Variants in SPTBN1 observed in about 807,000 individuals in gnomAD.
SPTBN1 encodes the protein spectrin beta, non-erythrocytic 1.
In SPTBN1, 32 loss-of-function variants were observed where a neutral mutation model predicts 266.4. That is an observed-to-expected ratio of 0.12 (90% CI 0.09 to 0.16). The LOEUF (loss-of-function observed/expected upper bound fraction) is 0.16. Ranked by LOEUF, SPTBN1 falls within the 10% of genes least tolerant of loss-of-function variation. SPTBN1 has a pLI of 1.00. For missense variants in SPTBN1, 2,296 were observed against 3,067.1 expected (o/e 0.75, Z 5.94); for synonymous variants, 1,336 against 1,162.2 (o/e 1.15, Z -3.04).
At chr2:54,655,277 T>C (rs1257721512) in intron 28 of SPTBN1, 69 bp downstream of exon 28, 1 of 1,578,822 alleles carries the variant, frequency 6.3e-7, no homozygotes, top group Non-Finnish European at 8.6e-7. Context: ...TTTATATGTT[T>C]GTGTGTGTCA....
chr2:54,603,680 T>G (rs2103726579), intron 3 of SPTBN1, among the ~76,000 whole-genome samples: 1 of 152,290 alleles, frequency 6.6e-6, no homozygotes, highest in Middle Eastern at 3.4e-3. Flanking sequence ...AAGTTTCATG[T>G]GTTGGGAGGA....
intron 1 of SPTBN1, among the ~76,000 whole-genome samples, chr2:54,491,712 C>G (rs750707480): frequency 1.3e-5 from 2 of 152,154 alleles, no homozygotes; most frequent in East Asian, 3.9e-4. Context: ...GCCTCAGCCT[C>G]TTGGTGTGGC....
At chr2:54,524,081 C>T (rs1006519301) in intron 1 of SPTBN1, among the ~76,000 whole-genome samples, 3 of 152,130 alleles carry the variant, frequency 2.0e-5, no homozygotes, top group Admixed American at 6.5e-5. Flanking sequence ...CGCCTGTAGT[C>T]CCAGCTACTC....
rs765199393 is a variant in SPTBN1, at chr2:54,653,773, C to G, written c.5742C>G (p.Phe1914Leu). The change falls in exon 27 of 36, where the codon TTC (phenylalanine) becomes TTG (leucine). Residue 1914 changes from phenylalanine to leucine, a missense_variant. By Grantham distance (22) the Phe-to-Leu change is conservative. Transcript: ENST00000356805. The surrounding 1 kb of genome is among the most constrained non-coding windows in gnomAD (Gnocchi z 5.1). ...RVRLVDTGDK[F>L]RFFSMVRDLM... ...GGCTGGTGGACACAGGGGACAAGTT[C>G]CGCTTCTTCAGCATGGTGCGCGACC... is the stretch of plus-strand genomic sequence containing the variant. The G allele has an allele frequency of 3.7e-6, 6 of 1,614,216 alleles. No individual in the cohort carries two copies. Among genetic ancestry groups the G allele is most frequent in the Non-Finnish European group, 5.1e-6 (6 of 1,180,044 alleles).
rs1473008841 is a variant in SPTBN1 at position 54,628,801 on chromosome 2, T to A, written c.1799-132T>A. ...GAAGGTGCTCCATTGCCTTATCGCA[T>A]GGCCCTGCATTTACATTTAGCAGTG... On this transcript the variant is annotated intron_variant, in intron 13 of 35. Transcript: ENST00000356805. The surrounding 1 kb of genome is among the most constrained non-coding windows in gnomAD (Gnocchi z 4.3). 1.7e-6 allele frequency: 2 copies of A among 1,190,416 alleles called. No homozygotes were observed. The highest frequency in any genetic ancestry group is 2.3e-6 in the Non-Finnish European group (2 of 866,288). 73.7% of individuals were successfully genotyped at this position (1,190,416 alleles called of 1,614,324 possible).
chr2:54,602,759 A>T (rs1195610158), intron 3 of SPTBN1, among the ~76,000 whole-genome samples: 5 of 152,184 alleles, frequency 3.3e-5, no homozygotes, highest in Admixed American at 3.3e-4. Context: ...GTATGTTGCC[A>T]CCATTAATTT....
At chr2:54,616,056 C>G in intron 4 of SPTBN1, 151 bp from the exon 5 acceptor site, 1 of 566,624 alleles carries the variant, frequency 1.8e-6, no homozygotes, top group Non-Finnish European at 3.0e-6. Context: ...GCCCAGACTT[C>G]AGGAAGCAGT....
At chr2:54,643,962 ACT>A (rs1321989281) in intron 19 of SPTBN1, among the ~76,000 whole-genome samples, 5 of 142,476 alleles carry the variant, frequency 3.5e-5, no homozygotes, top group South Asian at 2.4e-4. Flanking sequence ...ATAGAACGAG[ACT>A]CTGTCTCAAT....
intron 2 of SPTBN1, among the ~76,000 whole-genome samples, chr2:54,562,364 C>A (rs1203937449): frequency 1.3e-5 from 2 of 152,066 alleles, no homozygotes; most frequent in Non-Finnish European, 2.9e-5. Context: ...CGTAAAATGG[C>A]CCCACTCCAC....
At chr2:54,480,804 T>A (rs2103931762) in intron 1 of SPTBN1, among the ~76,000 whole-genome samples, 1 of 152,330 alleles carries the variant, frequency 6.6e-6, no homozygotes, top group South Asian at 2.1e-4. Flanking sequence ...ACTTATTGGC[T>A]GTGAATGTGG....
chr2:54,466,066 C>A (rs559144544), intron 1 of SPTBN1, among the ~76,000 whole-genome samples: 1 of 152,146 alleles, frequency 6.6e-6, no homozygotes, highest in African/African-American at 2.4e-5. Context: ...AGGAGTCATA[C>A]GTCCATTCTT....
In SPTBN1 at chr2:54,554,084, G is replaced by A. The variant is rs2104443103; in HGVS notation, c.148+27518G>A. Among the ~76,000 whole-genome samples, 1 of 152,296 alleles carries A rather than the reference G, an allele frequency of 6.6e-6. No individual in the cohort carries two copies. Among genetic ancestry groups the A allele is most frequent in the Non-Finnish European group, 1.5e-5 (1 of 68,040 alleles). On this transcript the variant is annotated intron_variant, in intron 2 of 35. Coordinates refer to ENST00000356805, the MANE Select transcript of SPTBN1 (RefSeq NM_003128.3). The surrounding 1 kb of genome is among the most constrained non-coding windows in gnomAD (Gnocchi z 4.5). ...ACTAGCAGAGCATGTGCCTAATCCTGACTCAAAACTAAATGTTGTAGAGGT... is the reference window on the plus strand; with the variant it reads ...ACTAGCAGAGCATGTGCCTAATCCTAACTCAAAACTAAATGTTGTAGAGGT...
At chr2:54,593,226 C>T (rs1320620356) in intron 2 of SPTBN1, among the ~76,000 whole-genome samples, 1 of 152,060 alleles carries the variant, frequency 6.6e-6, no homozygotes, top group Non-Finnish European at 1.5e-5. Context: ...TGGGTCTTCA[C>T]ACTCAGAACC....
chr2:54,570,464 A>T (rs1413707337), intron 2 of SPTBN1, among the ~76,000 whole-genome samples: 1 of 152,238 alleles, frequency 6.6e-6, no homozygotes, highest in Non-Finnish European at 1.5e-5. Context: ...GCAAAACATA[A>T]ATACAAAGTC....
chr2:54,620,435 A>G (rs1677918086), intron 7 of SPTBN1, among the ~76,000 whole-genome samples: 1 of 149,950 alleles, frequency 6.7e-6, no homozygotes, highest in Admixed American at 6.7e-5. Context: ...TCATAAGTTA[A>G]GGAAGGCGTA....
chr2:54,573,680 TA>T (rs1404125523), intron 2 of SPTBN1, among the ~76,000 whole-genome samples: 3 of 152,208 alleles, frequency 2.0e-5, no homozygotes, highest in Admixed American at 1.3e-4. Flanking sequence ...TTTGGACTAC[TA>T]GGAGACATGG....
chr2:54,665,537 G>A, intron 33 of SPTBN1, among the ~76,000 whole-genome samples: 1 of 152,208 alleles, frequency 6.6e-6, no homozygotes, highest in East Asian at 1.9e-4. Context: ...TGCTGCTGGA[G>A]GACAGGCATG....
intron 2 of SPTBN1, among the ~76,000 whole-genome samples, chr2:54,553,944 A>G (rs1341425945): frequency 1.3e-5 from 2 of 152,236 alleles, no homozygotes; most frequent in South Asian, 2.1e-4. Flanking sequence ...ATGCTAAGTC[A>G]TACAGAATCT....
In SPTBN1 at chr2:54,554,725, A is replaced by G. The variant is rs1361892076; in HGVS notation, c.148+28159A>G. Among the ~76,000 whole-genome samples the G allele has an allele frequency of 2.6e-5, 4 of 152,240 alleles. No homozygotes were observed. Among genetic ancestry groups the G allele is most frequent in the African/African-American group, 9.6e-5 (4 of 41,542 alleles). On this transcript the variant is annotated intron_variant, in intron 2 of 35. Coordinates refer to ENST00000356805, the MANE Select transcript of SPTBN1 (RefSeq NM_003128.3). The surrounding 1 kb of genome is among the most constrained non-coding windows in gnomAD (Gnocchi z 4.5). ...CCTGACTCTGGACTTGAGTCTTTCC[A>G]CCAGCCCACAGCACTTTTGATCTGT...
Sources: gnomAD v4.1 joint callset for allele counts (sites outside exome capture counted in the v4.1 genomes callset) on GRCh38, gnomAD v4.1.1 for gene constraint, Gnocchi (gnomAD v3.1) non-coding constraint, MANE v1.5 for transcripts, NCBI Gene and HGNC (gene_info 2026-07-23, HGNC 2026-07-21) for gene names.